The following TRERF1 variants were observed in gnomAD, a reference collection of about 807,000 sequenced individuals.
The protein encoded by TRERF1 is transcriptional regulating factor 1.
Under a neutral mutation model 122.9 loss-of-function variants are expected in TRERF1, and 27 were observed. The ratio of observed to expected loss-of-function variants is 0.22; its 90% CI spans 0.16 to 0.30. The LOEUF (loss-of-function observed/expected upper bound fraction) is 0.30. Ranked by LOEUF, TRERF1 falls within the 10% of genes least tolerant of loss-of-function variation. TRERF1 has a pLI of 1.00. For synonymous variants in TRERF1, 636 were observed against 641.7 expected (o/e 0.99, Z 0.13); for missense variants, 1,248 against 1,560.3 (o/e 0.80, Z 3.37).
chr6:42,366,681 G>C (rs567218660), intron 2 of TRERF1, among the ~76,000 whole-genome samples: 3 of 152,212 alleles, frequency 2.0e-5, no homozygotes, highest in African/African-American at 7.2e-5. Flanking sequence ...GTGACTGGCA[G>C]AACAGTCAGG....
chr6:42,247,883 C>T (rs771305348), intron 13 of TRERF1, among the ~76,000 whole-genome samples: 4 of 152,274 alleles, frequency 2.6e-5, no homozygotes, highest in Middle Eastern at 3.4e-3. Flanking sequence ...TTTGACCTCA[C>T]TACACTTCTC....
At chr6:42,319,555 C>T (rs1763042162) in intron 3 of TRERF1, among the ~76,000 whole-genome samples, 1 of 152,068 alleles carries the variant, frequency 6.6e-6, no homozygotes, top group African/African-American at 2.4e-5. Context: ...GGCACACTGG[C>T]TCATGCCTGT....
chr6:42,289,762 TG>T (rs1172156656), intron 4 of TRERF1, among the ~76,000 whole-genome samples: 2 of 152,174 alleles, frequency 1.3e-5, no homozygotes, highest in Non-Finnish European at 2.9e-5. Context: ...GACTGTAGTT[TG>T]CTGACCCCCA....
chr6:42,258,053 A>C, intron 10 of TRERF1, 82 bp downstream of exon 10: 1 of 1,216,672 alleles, frequency 8.2e-7, no homozygotes, highest in Non-Finnish European at 1.2e-6. Flanking sequence ...CTCTCAGTGT[A>C]ATCCTCTGAC....
At chr6:42,404,763 C>G (rs193143836) in intron 2 of TRERF1, among the ~76,000 whole-genome samples, 1 of 152,242 alleles carries the variant, frequency 6.6e-6, no homozygotes, top group East Asian at 1.9e-4. Context: ...GAATCCAAGG[C>G]CCTAAGGAGC....
intron 2 of TRERF1, among the ~76,000 whole-genome samples, chr6:42,378,094 T>C (rs924058070): frequency 6.6e-6 from 1 of 152,148 alleles, no homozygotes; most frequent in Non-Finnish European, 1.5e-5. Flanking sequence ...AGTGGGACTA[T>C]TACTGCTGTG....
chr6:42,238,188 A>G (rs1772713609), intron 15 of TRERF1, among the ~76,000 whole-genome samples: 2 of 152,234 alleles, frequency 1.3e-5, no homozygotes, highest in African/African-American at 4.8e-5. Context: ...TAAGTAGCCC[A>G]TGGCCTACAG....
At chr6:42,430,244 A>G (rs1342331548) in intron 2 of TRERF1, among the ~76,000 whole-genome samples, 1 of 151,882 alleles carries the variant, frequency 6.6e-6, no homozygotes, top group Non-Finnish European at 1.5e-5. Flanking sequence ...TCTTCCTGGT[A>G]ATCTCCCTTG....
chr6:42,291,693 C>T lies in TRERF1; in HGVS notation c.-259+8945G>A, dbSNP rs553172996. Among the ~76,000 whole-genome samples, 13 of 151,792 alleles carry T rather than the reference C, an allele frequency of 8.6e-5. No individual in the cohort carries two copies. The South Asian group carries it at 2.7e-3, about 32-fold the overall frequency. On this transcript the variant is annotated intron_variant, in intron 4 of 17. Transcript: ENST00000372922. ...GGACTACAGGCGCCTGCCACCACGC[C>T]CGGCTGTTTTTTTTTTTTGTGTGTG...
chr6:42,265,809 C>T lies in TRERF1; in HGVS notation c.1438-12G>A, dbSNP rs1198366438. On this transcript the variant is annotated splice_polypyrimidine_tract_variant and intron_variant, in intron 5 of 17. Coordinates refer to ENST00000372922, the Ensembl canonical transcript of TRERF1. ...TCAGGTAGGTGCATCTAATTTTGAG[C>T]CAAACAGGACACCGAAAAAAAGAAG... 6.2e-6 allele frequency: 10 copies of T among 1,612,442 alleles called. No homozygotes were observed. Among genetic ancestry groups the T allele is most frequent in the Non-Finnish European group, 8.5e-6 (10 of 1,179,330 alleles).
At chr6:42,329,508 C>A (rs990710646) in intron 3 of TRERF1, among the ~76,000 whole-genome samples, 1 of 152,162 alleles carries the variant, frequency 6.6e-6, no homozygotes, top group Non-Finnish European at 1.5e-5. Context: ...GCCTAAGCAA[C>A]CCCCAGAAGA....
chr6:42,335,024 C>T (rs1004348649), intron 3 of TRERF1, among the ~76,000 whole-genome samples: 4 of 152,216 alleles, frequency 2.6e-5, no homozygotes, highest in Admixed American at 6.5e-5. Context: ...AATGATCTTG[C>T]TGGATCATTA....
At chr6:42,314,613 T>C (rs76315961) in intron 3 of TRERF1, among the ~76,000 whole-genome samples, 3,831 of 152,180 alleles carry the variant, frequency 0.025, 139 homozygotes, top group African/African-American at 0.086. Flanking sequence ...ATAATTAAAG[T>C]GTATAGTGTA....
chr6:42,338,178 G>A (rs1394706010), intron 3 of TRERF1, among the ~76,000 whole-genome samples: 4 of 152,112 alleles, frequency 2.6e-5, no homozygotes, highest in African/African-American at 7.2e-5. Context: ...AATACCAAAC[G>A]ACCAAAAGCA....
chr6:42,318,483 A>G (rs773240708), intron 3 of TRERF1, among the ~76,000 whole-genome samples: 4 of 152,196 alleles, frequency 2.6e-5, no homozygotes, highest in Non-Finnish European at 4.4e-5. Flanking sequence ...TGAAACAGCC[A>G]AGACGAACCC....
downstream of TRERF1, chr6:42,224,931 A>C (rs188214464): frequency 4.9e-4 from 75 of 152,370 alleles, no homozygotes; most frequent in African/African-American, 1.5e-3. Context: ...AAGCCAAACG[A>C]AACGCAAAAG....
chr6:42,400,079 A>G lies in TRERF1; in HGVS notation c.-453-37000T>C, dbSNP rs533447661. On this transcript the variant is annotated intron_variant, in intron 2 of 17. Transcript: ENST00000372922. ...GTGTTAGAATCCTGATTGTCACTCA[A>G]TGGAACCCACCCCAGAGGAAAACCT... Among the ~76,000 whole-genome samples, 5 of 152,240 alleles carry G rather than the reference A, an allele frequency of 3.3e-5. No individual in the cohort carries two copies. The South Asian group carries it at 1.0e-3, about 32-fold the overall frequency.
intron 3 of TRERF1, among the ~76,000 whole-genome samples, chr6:42,316,715 C>T (rs555093709): frequency 2.6e-5 from 4 of 152,208 alleles, no homozygotes; most frequent in African/African-American, 9.6e-5. Context: ...TGCTCAGGGA[C>T]CAAAATCGCC....
chr6:42,374,908 G>C (rs375358506), intron 2 of TRERF1, among the ~76,000 whole-genome samples: 4 of 151,354 alleles, frequency 2.6e-5, no homozygotes, highest in Non-Finnish European at 5.9e-5. Context: ...CTATTCAGGA[G>C]GCTGAAGCAT....
Sources: allele counts gnomAD v4.1 joint callset (sites outside exome capture counted in the v4.1 genomes callset), GRCh38; gene constraint gnomAD v4.1.1; transcripts MANE v1.5; gene names NCBI Gene and HGNC (gene_info 2026-07-23, HGNC 2026-07-21).